The following SOBP variants were observed in gnomAD, a reference collection of about 807,000 sequenced individuals.
SOBP encodes sine oculis-binding protein homolog.
SOBP carries 4 observed loss-of-function variants against 53.6 expected under a neutral mutation model. The observed-to-expected ratio is 0.07, with a 90% CI of 0.04 to 0.17. SOBP has a LOEUF of 0.17. Ranked by LOEUF, SOBP falls within the 10% of genes least tolerant of loss-of-function variation. The probability of loss-of-function intolerance (pLI) is 1.00; values close to 1 mark genes in which losing one functional copy is unlikely to be tolerated. For missense variants in SOBP, 1,088 were observed against 1,204.7 expected, an observed-to-expected ratio of 0.90 and a Z score of 1.43; for synonymous variants, 584 against 522.6, an observed-to-expected ratio of 1.12 and a Z score of -1.60.
At chr6:107,587,016 C>A in intron 4 of SOBP, 64 bp from the exon 5 acceptor site, 1 of 1,248,422 alleles carries the variant, frequency 8.0e-7, no homozygotes, top group Non-Finnish European at 1.2e-6. Context: ...AGCTGTTATG[C>A]TTTTTAGCTT....
chr6:107,522,620 C>G (rs1783546813), intron 3 of SOBP, among the ~76,000 whole-genome samples: 1 of 148,068 alleles, frequency 6.8e-6, no homozygotes, highest in South Asian at 2.2e-4. Context: ...CAGCTTACCG[C>G]AGCCTTGACC....
chr6:107,497,522 G>A (rs1399553661), intron 1 of SOBP, among the ~76,000 whole-genome samples: 6 of 151,932 alleles, frequency 3.9e-5, no homozygotes, highest in East Asian at 3.9e-4. Context: ...GAAAAACAAA[G>A]CCTGTAATTT....
intron 5 of SOBP, among the ~76,000 whole-genome samples, chr6:107,612,708 C>T (rs2115104036): frequency 6.6e-6 from 1 of 152,262 alleles, no homozygotes; most frequent in Middle Eastern, 3.4e-3. Flanking sequence ...ACTTTTTCAT[C>T]ACCCCAAACA....
rs1785591052 is a variant in SOBP at position 107,587,044 on chromosome 6, G to C, written c.574-36G>C. On this transcript the variant is annotated intron_variant, in intron 4 of 6. Transcript: ENST00000317357. ...TTTAGCTTTTTTTCTTCCATTATTT[G>C]TAAGTCCCTAAATAGGCCATTATAT... 4 of 1,507,124 alleles carry C rather than the reference G, an allele frequency of 2.7e-6. No individual in the cohort carries two copies. The East Asian group carries it at 9.0e-5, about 34-fold the overall frequency. The allele number at this position is 1,507,124 out of a possible 1,614,324, so 93.4% of individuals were successfully genotyped here.
At chr6:107,617,408 G>T (rs1786833365) in intron 5 of SOBP, among the ~76,000 whole-genome samples, 1 of 152,142 alleles carries the variant, frequency 6.6e-6, no homozygotes, top group Non-Finnish European at 1.5e-5. Flanking sequence ...CCTCTAAAAG[G>T]CAGGGTAATT....
At chr6:107,534,918 C>T (rs1245001226) in intron 4 of SOBP, among the ~76,000 whole-genome samples, 1 of 152,314 alleles carries the variant, frequency 6.6e-6, no homozygotes, top group East Asian at 1.9e-4. Context: ...AAAATGATCT[C>T]TGAGACCCCG....
chr6:107,609,991 G>A (rs1786532630), intron 5 of SOBP, among the ~76,000 whole-genome samples: 1 of 152,058 alleles, frequency 6.6e-6, no homozygotes, highest in Non-Finnish European at 1.5e-5. Context: ...AGACAAGTTG[G>A]GACCCACATA....
intron 3 of SOBP, among the ~76,000 whole-genome samples, chr6:107,529,924 G>A (rs1783771072): frequency 1.3e-5 from 2 of 152,032 alleles, no homozygotes; most frequent in African/African-American, 4.8e-5. Context: ...ATGATTAATT[G>A]AAATATGCTT....
At chr6:107,648,567 T>G (rs1049405617) in intron 6 of SOBP, among the ~76,000 whole-genome samples, 4 of 151,928 alleles carry the variant, frequency 2.6e-5, no homozygotes, top group African/African-American at 9.7e-5. Context: ...TCAGAGTTCT[T>G]GTTTGCAAAT....
intron 6 of SOBP, among the ~76,000 whole-genome samples, chr6:107,641,666 G>T (rs1771325997): frequency 6.6e-6 from 1 of 152,164 alleles, no homozygotes; most frequent in Admixed American, 6.5e-5. Context: ...GGAGGGCACT[G>T]GAAATCAGTT....
chr6:107,660,652 G>A lies in SOBP; in HGVS notation c.*2449G>A, dbSNP rs7751374. 0.52 allele frequency among the ~76,000 whole-genome samples: 78,454 copies of A among 152,048 alleles called. 24,603 individuals carry two copies. Among genetic ancestry groups the A allele is most frequent in the Middle Eastern group, 0.77 (226 of 294 alleles). On this transcript the variant is annotated 3_prime_UTR_variant, in exon 7 of 7. Transcript: ENST00000317357. Reference sequence around the variant, plus strand: ...GGGTCCGTTTGGCTCTTTGATACCTGAGTTAAATATCAGAAAGTTCCTAAG... The same window carrying A: ...GGGTCCGTTTGGCTCTTTGATACCTAAGTTAAATATCAGAAAGTTCCTAAG...
In SOBP at chr6:107,634,820, G is replaced by A; in HGVS notation, c.1976G>A (p.Gly659Asp). The A allele has an allele frequency of 7.1e-7, 1 of 1,408,398 alleles. No homozygotes were observed. 87.2% of individuals were successfully genotyped at this position (1,408,398 alleles called of 1,614,324 possible). A position where few individuals can be genotyped will look rare whatever the true frequency, so the allele number is the denominator to read the frequency against. Residue 659 changes from glycine to aspartate, a missense_variant, in exon 6 of 7, where the codon GGC (glycine) becomes GAC (aspartate). Around this residue, in one of 6 missense-constraint regions of SOBP, gnomAD observed 665 missense variants for 629.7 expected, o/e 1.06. Coordinates refer to ENST00000317357, the MANE Select transcript of SOBP (RefSeq NM_018013.4). The surrounding 1 kb of genome is among the most constrained non-coding windows in gnomAD (Gnocchi z 4.5). ...GACGGCGTCATCGACCTGACCGTGG[G>A]CCACCGAGCCCGGCTGCACAACGTG... ...PQDGVIDLTV[G>D]HRARLHNVIH... is the part of the protein sequence containing the mutation.
Position 107,490,530 on chromosome 6 carries a change from A to ACCACCTCCACCGCCGCCGCCGCCG in SOBP, c.-81_-58dup. The stretch of plus-strand genomic sequence containing the variant: ...CTCCGCCAGCCTCGCCACCATCAGC[A>ACCACCTCCACCGCCGCCGCCGCCG]CCACCTCCACCGCCGCCGCCGCCGC... On this transcript the variant is annotated 5_prime_UTR_variant, in exon 1 of 7. Coordinates refer to ENST00000317357, the MANE Select transcript of SOBP (RefSeq NM_018013.4). The ACCACCTCCACCGCCGCCGCCGCCG allele has an allele frequency of 1.2e-5, 11 of 925,628 alleles. No individual in the cohort carries two copies. The highest frequency in any genetic ancestry group is 1.7e-5 in the Non-Finnish European group (10 of 590,260). The allele number at this position is 925,628 out of a possible 1,614,324, so 57.3% of individuals were successfully genotyped here. A position where few individuals can be genotyped will look rare whatever the true frequency, so the allele number is the denominator to read the frequency against.
At chr6:107,608,059 T>G (rs552968856) in intron 5 of SOBP, among the ~76,000 whole-genome samples, 9 of 152,208 alleles carry the variant, frequency 5.9e-5, no homozygotes, top group Non-Finnish European at 1.2e-4. Context: ...AGCCTTATGA[T>G]GACTGACACT....
chr6:107,522,212 C>T (rs1429768963), intron 3 of SOBP, among the ~76,000 whole-genome samples: 3 of 152,116 alleles, frequency 2.0e-5, no homozygotes, highest in Non-Finnish European at 4.4e-5. Flanking sequence ...GTGAGGCTGG[C>T]CTGGTCTTAG....
intron 4 of SOBP, among the ~76,000 whole-genome samples, chr6:107,551,837 A>G (rs907742758): frequency 6.6e-6 from 1 of 152,184 alleles, no homozygotes; most frequent in Non-Finnish European, 1.5e-5. Context: ...CCTCAACAAC[A>G]TGGTGAAACC....
intron 1 of SOBP, among the ~76,000 whole-genome samples, chr6:107,495,683 A>C (rs759310040): frequency 5.3e-5 from 8 of 152,184 alleles, no homozygotes; most frequent in Non-Finnish European, 7.3e-5. Flanking sequence ...AAGGAAAGTA[A>C]AAAACAGGGC....
chr6:107,628,196 A>G (rs954221668), intron 5 of SOBP, among the ~76,000 whole-genome samples: 1 of 152,200 alleles, frequency 6.6e-6, no homozygotes. Flanking sequence ...ATGTCGCTTT[A>G]TCAAGCTTTT....
chr6:107,558,996 G>A (rs1784700312), intron 4 of SOBP, among the ~76,000 whole-genome samples: 1 of 152,074 alleles, frequency 6.6e-6, no homozygotes, highest in Non-Finnish European at 1.5e-5. Flanking sequence ...TGAAGACAGT[G>A]ATTTTGTCTG....
Sources: allele counts gnomAD v4.1 joint callset (sites outside exome capture counted in the v4.1 genomes callset), GRCh38; gene constraint gnomAD v4.1.1; regional missense constraint gnomAD v4.1.1; non-coding constraint Gnocchi (gnomAD v3.1); transcripts MANE v1.5; gene names NCBI Gene and HGNC (gene_info 2026-07-23, HGNC 2026-07-21).